The following ARHGAP29 variants were observed in gnomAD, a reference collection of about 807,000 sequenced individuals.
ARHGAP29 encodes the protein Rho GTPase activating protein 29, also known as rho GTPase-activating protein 29.
A neutral mutation model predicts 122.6 loss-of-function variants in ARHGAP29; 43 were observed. That is an observed-to-expected ratio of 0.35 (90% CI 0.27 to 0.45). The LOEUF (loss-of-function observed/expected upper bound fraction) is 0.45, where lower values mean the gene tolerates loss of function less well. Among genes scored for constraint, ARHGAP29 ranks in the 20% least tolerant of loss-of-function variants. The pLI, the probability that ARHGAP29 is intolerant of heterozygous loss-of-function variation, is 1.00. For synonymous variants in ARHGAP29, 506 were observed against 497.1 expected (o/e 1.02, Z -0.24); for missense variants, 1,303 against 1,477.2 (o/e 0.88, Z 1.93).
At chr1:94,233,075 G>T (rs1486441844) in intron 1 of ARHGAP29, among the ~76,000 whole-genome samples, 20 of 151,586 alleles carry the variant, frequency 1.3e-4, no homozygotes, top group Non-Finnish European at 2.7e-4. Flanking sequence ...CACCCATGTA[G>T]CTGGGACTCC....
At chr1:94,270,763 T>A (rs1446429408) in intron 1 of ARHGAP29, among the ~76,000 whole-genome samples, 1 of 152,206 alleles carries the variant, frequency 6.6e-6, no homozygotes, top group Non-Finnish European at 1.5e-5. Context: ...GCTTCCTTAC[T>A]GCTACCATCA....
chr1:94,301,515 G>A, the ARHGAP29 span, among the ~76,000 whole-genome samples: 6 of 152,174 alleles, frequency 3.9e-5, no homozygotes, highest in South Asian at 2.1e-4. Flanking sequence ...CCATGTGACC[G>A]TTCCTGAATC....
the ARHGAP29 span, among the ~76,000 whole-genome samples, chr1:94,291,759 T>C: frequency 6.6e-6 from 1 of 152,250 alleles, no homozygotes; most frequent in Non-Finnish European, 1.5e-5. Flanking sequence ...TTCTTTTCTT[T>C]AAGAATGTTG....
intron 1 of ARHGAP29, among the ~76,000 whole-genome samples, chr1:94,250,997 T>A (rs1229993926): frequency 6.6e-6 from 1 of 152,122 alleles, no homozygotes; most frequent in Non-Finnish European, 1.5e-5. Context: ...TTGATACTAC[T>A]GTGAATAAAA....
chr1:94,203,664 G>T (rs1476939133), intron 8 of ARHGAP29, among the ~76,000 whole-genome samples: 1 of 152,060 alleles, frequency 6.6e-6, no homozygotes, highest in Non-Finnish European at 1.5e-5. Context: ...AGCCTCGGGG[G>T]ACAGAGGTTG....
At chr1:94,255,303 G>C (rs936770119) in intron 1 of ARHGAP29, among the ~76,000 whole-genome samples, 3 of 152,176 alleles carry the variant, frequency 2.0e-5, no homozygotes, top group Non-Finnish European at 4.4e-5. Context: ...AGTTGAGAGA[G>C]TCCTCAAAAG....
chr1:94,301,614 G>T, the ARHGAP29 span, among the ~76,000 whole-genome samples: 1 of 152,176 alleles, frequency 6.6e-6, no homozygotes, highest in Admixed American at 6.5e-5. Context: ...GTGGCCAGGG[G>T]GGATGAGGGT....
At chr1:94,297,829 T>C in the ARHGAP29 span, among the ~76,000 whole-genome samples, 1 of 152,114 alleles carries the variant, frequency 6.6e-6, no homozygotes, top group African/African-American at 2.4e-5. Flanking sequence ...TGAGGGGAGC[T>C]GGCCTAAGGA....
chr1:94,254,135 A>T (rs1340744488), intron 1 of ARHGAP29, among the ~76,000 whole-genome samples: 1 of 152,240 alleles, frequency 6.6e-6, no homozygotes, highest in Admixed American at 6.5e-5. Flanking sequence ...TAATAATTCT[A>T]TAATATTGGT....
intron 1 of ARHGAP29, among the ~76,000 whole-genome samples, chr1:94,257,011 C>T (rs1654385225): frequency 6.6e-6 from 1 of 152,084 alleles, no homozygotes; most frequent in African/African-American, 2.4e-5. Context: ...AAACATAATT[C>T]ATTCATTGGA....
intron 6 of ARHGAP29, 65 bp downstream of exon 6, chr1:94,205,570 C>T: frequency 7.0e-7 from 1 of 1,418,996 alleles, no homozygotes; most frequent in Non-Finnish European, 9.8e-7. Flanking sequence ...AGAGATTAAT[C>T]CAGGACATTC....
chr1:94,206,005 ATGCAAACATAT>A (rs1336126002), intron 5 of ARHGAP29, among the ~76,000 whole-genome samples: 2 of 152,230 alleles, frequency 1.3e-5, no homozygotes, highest in Non-Finnish European at 2.9e-5. Flanking sequence ...TAGAGAAGCA[ATGCAAACATAT>A]TGCTATCTAA....
chr1:94,193,804 T>C (rs1412744865), intron 12 of ARHGAP29: 4 of 152,212 alleles, frequency 2.6e-5, no homozygotes, highest in African/African-American at 9.6e-5. Context: ...GGAAGTTCTG[T>C]AGACAAAGTG....
intron 1 of ARHGAP29, among the ~76,000 whole-genome samples, chr1:94,252,592 C>T (rs949899361): frequency 4.6e-5 from 7 of 151,990 alleles, no homozygotes; most frequent in African/African-American, 1.7e-4. Flanking sequence ...GGTATACTTA[C>T]ATCAGTAATA....
Position 94,177,692 on chromosome 1 carries a change from T to C in ARHGAP29, c.2825A>G (p.Lys942Arg), listed in dbSNP as rs1649183126. Residue 942 changes from lysine (K) to arginine (R), a missense_variant, in exon 22 of 23, where the codon AAA (lysine) becomes AGA (arginine). Transcript: ENST00000260526. ...AAATGATGTAGCTCGTTCAAAAATT[T>C]TGCTTTCACTCTCTGAAGTATGGAT... is the stretch of plus-strand genomic sequence containing the variant. ...EDIHTSESESKIFERATSFEE... is the reference protein window; with the variant it reads ...EDIHTSESESRIFERATSFEE... The C allele has an allele frequency of 6.2e-7, 1 of 1,613,258 alleles. No homozygotes were observed. The highest frequency in any genetic ancestry group is 8.5e-7 in the Non-Finnish European group (1 of 1,179,814).
intron 19 of ARHGAP29, among the ~76,000 whole-genome samples, chr1:94,183,203 A>T (rs938653936): frequency 3.4e-4 from 36 of 105,576 alleles, no homozygotes; most frequent in African/African-American, 1.0e-3. Flanking sequence ...AATTAAAAAA[A>T]ATTTTTTTTT....
intron 1 of ARHGAP29, among the ~76,000 whole-genome samples, chr1:94,246,403 G>A (rs1016301677): frequency 2.8e-4 from 42 of 152,180 alleles, no homozygotes; most frequent in African/African-American, 1.0e-3. Context: ...ACTGAATGAG[G>A]AGGAAGCGAA....
At chr1:94,312,418 G>T in the ARHGAP29 span, among the ~76,000 whole-genome samples, 1 of 135,706 alleles carries the variant, frequency 7.4e-6, no homozygotes, top group Non-Finnish European at 1.6e-5. Context: ...AATGAACAGA[G>T]ATGTCCCCCC....
At chr1:94,266,375 A>G (rs1419206518) in intron 1 of ARHGAP29, among the ~76,000 whole-genome samples, 1 of 152,134 alleles carries the variant, frequency 6.6e-6, no homozygotes, top group Non-Finnish European at 1.5e-5. Flanking sequence ...TCAACAAATC[A>G]ATATTCTCTC....
Sources: gnomAD v4.1 joint callset for allele counts (sites outside exome capture counted in the v4.1 genomes callset) on GRCh38, gnomAD v4.1.1 for gene constraint, MANE v1.5 for transcripts, NCBI Gene and HGNC (gene_info 2026-07-23, HGNC 2026-07-21) for gene names.